The following ASMTL variants were observed in gnomAD, a reference collection of about 807,000 sequenced individuals.
ASMTL encodes probable bifunctional dTTP/UTP pyrophosphatase/methyltransferase protein.
Under a neutral mutation model 60.3 loss-of-function variants are expected in ASMTL, and 57 were observed. That is an observed-to-expected ratio of 0.95 (90% CI 0.76 to 1.18). The LOEUF (loss-of-function observed/expected upper bound fraction) is 1.18. Ranked by LOEUF, ASMTL falls within the 50% of genes most tolerant of loss-of-function variation. The pLI, the probability that ASMTL is intolerant of heterozygous loss-of-function variation, is 0.00. For synonymous variants in ASMTL, 419 were observed against 373.0 expected, an observed-to-expected ratio of 1.12 and a Z score of -1.42; for missense variants, 981 against 852.6, an observed-to-expected ratio of 1.15 and a Z score of -1.88.
rs754833293 is a variant in ASMTL, at chrX:1,416,300, C to T, written c.1522+1673G>A. On this transcript the variant is annotated intron_variant, in intron 11 of 12. Transcript: ENST00000381317. ...ACCAACAGACAGGCACGCACACAGA[C>T]GCAGACATGCACAGCTGGACACACA... Among the ~76,000 whole-genome samples, 279 of 146,676 alleles carry T rather than the reference C, an allele frequency of 1.9e-3. 3 individuals are homozygous for T. Among genetic ancestry groups the T allele is most frequent in the African/African-American group, 6.4e-3 (249 of 39,022 alleles).
intron 5 of ASMTL, among the ~76,000 whole-genome samples, chrX:1,433,984 G>C (rs778889548): frequency 2.6e-5 from 4 of 152,304 alleles, no homozygotes; most frequent in African/African-American, 9.6e-5. Flanking sequence ...GAAAACTACA[G>C]GTGTGACCAG....
chrX:1,433,501 TAAAA>T (rs35959333), intron 5 of ASMTL, among the ~76,000 whole-genome samples: 1 of 99,154 alleles, frequency 1.0e-5, no homozygotes, highest in Non-Finnish European at 1.9e-5. Context: ...CCGTCTCTAC[TAAAA>T]AAAAAAAAAA....
chrX:1,450,098 C>CCCAT (rs1384315750), intron 1 of ASMTL, among the ~76,000 whole-genome samples: 2 of 151,210 alleles, frequency 1.3e-5, no homozygotes, highest in East Asian at 3.9e-4. Flanking sequence ...AGTAACTATC[C>CCCAT]CATCACCAGT....
chrX:1,425,640 A>G lies in ASMTL; in HGVS notation c.945T>C (p.Asp315=), dbSNP rs781261726. Residue 315 remains aspartate (D), a synonymous_variant, in exon 8 of 13, where the codon GAT becomes GAC. Coordinates refer to ENST00000381317, the MANE Select transcript of ASMTL (RefSeq NM_004192.4). ...CKLKVFDLLK[D]EAPQKAADIA... is the part of the protein sequence containing the mutation. ...TATCCGCAGCCTTCTGGGGTGCTTCATCTTTTAACAAATCGAACACCTTCA... is the reference window on the plus strand; with the variant it reads ...TATCCGCAGCCTTCTGGGGTGCTTCGTCTTTTAACAAATCGAACACCTTCA... 9 of 1,613,782 alleles carry G rather than the reference A, an allele frequency of 5.6e-6. No individual in the cohort carries two copies. The Admixed American group carries it at 6.7e-5, about 12-fold the overall frequency.
intron 8 of ASMTL, among the ~76,000 whole-genome samples, chrX:1,422,435 C>T (rs76352450): frequency 0.67 from 101,476 of 151,668 alleles, 34,946 homozygotes; most frequent in South Asian, 0.87. Context: ...CACGTAAGTC[C>T]TCAAGATAAA....
rs1195931449 is a variant in ASMTL, at chrX:1,452,623, C to T, written c.93+125G>A. On this transcript the variant is annotated intron_variant, in intron 1 of 12. Transcript: ENST00000381317. Reference sequence around the variant, plus strand: ...TGGAGGTCCCGGGACACTCTCCCCTCCCCCATCCCTAAGGGTCTCGGGTCA... The same window carrying T: ...TGGAGGTCCCGGGACACTCTCCCCTTCCCCATCCCTAAGGGTCTCGGGTCA... The T allele has an allele frequency of 4.0e-6, 3 of 750,754 alleles. No individual in the cohort carries two copies. In the South Asian group the frequency reaches 5.5e-5, roughly 14 times the overall value. The allele number at this position is 750,754 out of a possible 1,614,324, so 46.5% of individuals were successfully genotyped here.
At chrX:1,439,394 C>T (rs1398948813) in intron 2 of ASMTL, among the ~76,000 whole-genome samples, 10 of 152,194 alleles carry the variant, frequency 6.6e-5, no homozygotes, top group South Asian at 4.1e-4. Context: ...CAGGCACTCA[C>T]GGAGCATCTC....
chrX:1,415,210 G>A (rs1479825539), intron 11 of ASMTL, among the ~76,000 whole-genome samples: 2 of 149,444 alleles, frequency 1.3e-5, no homozygotes, highest in Non-Finnish European at 3.0e-5. Context: ...CAGAGGGCTG[G>A]GATTCCAGGC....
chrX:1,412,019 G>A (rs2090048437), intron 12 of ASMTL, among the ~76,000 whole-genome samples: 1 of 151,904 alleles, frequency 6.6e-6, no homozygotes, highest in Non-Finnish European at 1.5e-5. Flanking sequence ...GTTTCACCAT[G>A]TTGGCCAGGC....
intron 7 of ASMTL, among the ~76,000 whole-genome samples, chrX:1,426,274 A>G (rs1169505265): frequency 1.3e-5 from 2 of 152,124 alleles, no homozygotes; most frequent in African/African-American, 2.4e-5. Context: ...TTTATAAACC[A>G]CCTGGTGGTG....
chrX:1,403,897 T>C (rs1603450043), intron 12 of ASMTL, among the ~76,000 whole-genome samples: 1 of 152,078 alleles, frequency 6.6e-6, no homozygotes, highest in Non-Finnish European at 1.5e-5. Context: ...GATGGATGCA[T>C]GTATGAGATG....
At chrX:1,443,471 T>C (rs1186233912) in intron 1 of ASMTL, among the ~76,000 whole-genome samples, 3 of 150,246 alleles carry the variant, frequency 2.0e-5, no homozygotes, top group African/African-American at 7.4e-5. Context: ...CACACCACCA[T>C]CGTGGACACA....
At chrX:1,413,716 C>T (rs1194015436) in intron 11 of ASMTL, 1 of 152,292 alleles carries the variant, frequency 6.6e-6, no homozygotes, top group East Asian at 1.9e-4. Flanking sequence ...TGAGATCATC[C>T]TGGAGTAGGG....
At chrX:1,432,747 T>C (rs2090834075) in intron 5 of ASMTL, among the ~76,000 whole-genome samples, 1 of 152,046 alleles carries the variant, frequency 6.6e-6, no homozygotes, top group African/African-American at 2.4e-5. Flanking sequence ...GAGAATCGCT[T>C]GAACCCGGGA....
chrX:1,418,569 G>A (rs1478890119), intron 10 of ASMTL, among the ~76,000 whole-genome samples: 9 of 152,114 alleles, frequency 5.9e-5, no homozygotes, highest in African/African-American at 2.2e-4. Context: ...GGCATTCAGA[G>A]GTTGGGGAAA....
At chrX:1,440,342 G>A (rs1468424621) in intron 2 of ASMTL, among the ~76,000 whole-genome samples, 2 of 152,006 alleles carry the variant, frequency 1.3e-5, no homozygotes, top group African/African-American at 2.4e-5. Context: ...CGCCCGCCTC[G>A]GCCTCCCAAA....
intron 6 of ASMTL, among the ~76,000 whole-genome samples, chrX:1,428,954 T>G (rs1342257170): frequency 6.6e-6 from 1 of 151,440 alleles, no homozygotes; most frequent in Non-Finnish European, 1.5e-5. Flanking sequence ...TGGAGTGCAG[T>G]GGCGCGATCT....
At chrX:1,433,386 CCG>C (rs113292550) in intron 5 of ASMTL, among the ~76,000 whole-genome samples, 2,143 of 150,914 alleles carry the variant, frequency 0.014, 36 homozygotes, top group South Asian at 0.055. Flanking sequence ...CCAGAAGGGA[CCG>C]CGCGCGGTGG....
intron 10 of ASMTL, among the ~76,000 whole-genome samples, chrX:1,418,571 T>C (rs749647689): frequency 1.3e-5 from 2 of 151,470 alleles, no homozygotes; most frequent in Admixed American, 1.3e-4. Context: ...CATTCAGAGG[T>C]TGGGGAAATG....
Sources: gnomAD v4.1 joint callset for allele counts (sites outside exome capture counted in the v4.1 genomes callset) on GRCh38, gnomAD v4.1.1 for gene constraint, MANE v1.5 for transcripts, NCBI Gene and HGNC (gene_info 2026-07-23, HGNC 2026-07-21) for gene names.